GXYLT1: variants seen among roughly 807,000 people sequenced by gnomAD.
GXYLT1 encodes the protein glucoside xylosyltransferase 1, also known as glycosyltransferase 8 domain containing 3.
In GXYLT1, 29 loss-of-function variants were observed where a neutral mutation model predicts 54.0. The observed-to-expected ratio is 0.54, with a 90% CI of 0.40 to 0.73. GXYLT1 has a LOEUF of 0.73. Ranked by LOEUF, GXYLT1 falls within the 30% of genes least tolerant of loss-of-function variation. The pLI, the probability that GXYLT1 is intolerant of heterozygous loss-of-function variation, is 0.00. For synonymous variants in GXYLT1, 176 were observed against 204.1 expected, an observed-to-expected ratio of 0.86 and a Z score of 1.17; for missense variants, 490 against 553.4, an observed-to-expected ratio of 0.89 and a Z score of 1.15.
intron 1 of GXYLT1, among the ~76,000 whole-genome samples, chr12:42,130,660 C>T (rs903746030): frequency 6.6e-6 from 1 of 152,138 alleles, no homozygotes; most frequent in Non-Finnish European, 1.5e-5. Flanking sequence ...CATGCATACA[C>T]ACATACACAG....
intron 7 of GXYLT1, among the ~76,000 whole-genome samples, chr12:42,088,767 A>G (rs2136870074): frequency 6.6e-6 from 1 of 152,144 alleles, no homozygotes; most frequent in African/African-American, 2.4e-5. Context: ...TTAAAAGTAG[A>G]ACATTTTATA....
chr12:42,113,805 C>A (rs2065474692), intron 3 of GXYLT1, among the ~76,000 whole-genome samples: 1 of 151,054 alleles, frequency 6.6e-6, no homozygotes, highest in South Asian at 2.1e-4. Flanking sequence ...GAACTCTCCA[C>A]CCCAAATCAA....
chr12:42,104,647 T>C (rs557687500), intron 5 of GXYLT1, among the ~76,000 whole-genome samples: 2 of 151,530 alleles, frequency 1.3e-5, no homozygotes, highest in African/African-American at 4.8e-5. Flanking sequence ...TGTTGGCACA[T>C]GGTAATGGCT....
chr12:42,135,543 C>A (rs2065614979), intron 1 of GXYLT1, among the ~76,000 whole-genome samples: 1 of 151,728 alleles, frequency 6.6e-6, no homozygotes, highest in African/African-American at 2.4e-5. Context: ...TTCATAATAG[C>A]CAAAAAGTAT....
chr12:42,093,200 C>T (rs34827386), intron 7 of GXYLT1, among the ~76,000 whole-genome samples: 21,674 of 152,176 alleles, frequency 0.14, 1,681 homozygotes, highest in Non-Finnish European at 0.18. Context: ...CAGGTTCAAG[C>T]GATTCTCTTG....
intron 7 of GXYLT1, among the ~76,000 whole-genome samples, chr12:42,096,130 T>C (rs2065354240): frequency 6.6e-6 from 1 of 152,176 alleles, no homozygotes; most frequent in Admixed American, 6.5e-5. Flanking sequence ...AAGAATGGCA[T>C]GGAATTAGAG....
At chr12:42,104,684 G>A (rs1592107509) in intron 5 of GXYLT1, among the ~76,000 whole-genome samples, 1 of 151,932 alleles carries the variant, frequency 6.6e-6, no homozygotes, top group African/African-American at 2.4e-5. Context: ...CTATACCAAA[G>A]GTAAGAGGAA....
chr12:42,126,832 A>G (rs1284593253), intron 2 of GXYLT1, among the ~76,000 whole-genome samples: 8 of 151,156 alleles, frequency 5.3e-5, no homozygotes, highest in African/African-American at 1.2e-4. Flanking sequence ...GTGAGCCAAG[A>G]TCATGCCACT....
chr12:42,124,152 A>C (rs1302233316), intron 2 of GXYLT1, among the ~76,000 whole-genome samples: 3 of 152,064 alleles, frequency 2.0e-5, no homozygotes, highest in African/African-American at 4.8e-5. Context: ...GTGAAAATAT[A>C]TCTCTTAAAA....
chr12:42,124,112 T>C (rs185624029), intron 2 of GXYLT1, among the ~76,000 whole-genome samples: 1 of 151,910 alleles, frequency 6.6e-6, no homozygotes, highest in African/African-American at 2.4e-5. Context: ...ATATAAGTAT[T>C]AACTTCTAAA....
chr12:42,129,393 T>C (rs1425625674), intron 2 of GXYLT1, among the ~76,000 whole-genome samples: 4 of 152,312 alleles, frequency 2.6e-5, no homozygotes, highest in Middle Eastern at 3.4e-3. Flanking sequence ...CCATCCACTA[T>C]AGTACACAAG....
At chr12:42,104,620 G>A (rs538219153) in intron 5 of GXYLT1, among the ~76,000 whole-genome samples, 11 of 151,560 alleles carry the variant, frequency 7.3e-5, no homozygotes, top group African/African-American at 2.7e-4. Flanking sequence ...ATAGCTGTCA[G>A]ACTTCTAAGA....
chr12:42,102,015 A>G (rs2136885101), intron 5 of GXYLT1, among the ~76,000 whole-genome samples: 1 of 152,344 alleles, frequency 6.6e-6, no homozygotes, highest in East Asian at 1.9e-4. Context: ...TTGAATCTTT[A>G]TAAGCACAAT....
At chr12:42,093,299 CT>C (rs892015737) in intron 7 of GXYLT1, among the ~76,000 whole-genome samples, 1 of 152,092 alleles carries the variant, frequency 6.6e-6, no homozygotes, top group African/African-American at 2.4e-5. Context: ...GGTTTCACCA[CT>C]TTGGTGGCCA....
Position 42,109,611 on chromosome 12 carries a change from C to T in GXYLT1, c.567G>A (p.Trp189Ter). 1 of 1,595,426 alleles carries T rather than the reference C, an allele frequency of 6.3e-7. No homozygotes were observed. The highest frequency in any genetic ancestry group is 8.5e-7 in the Non-Finnish European group (1 of 1,172,676). The change falls in exon 4 of 8, where the codon TGG (tryptophan) becomes TGA (stop). Residue 189 changes from tryptophan to a stop codon, truncating the protein, a stop_gained. Coordinates refer to ENST00000398675, the MANE Select transcript of GXYLT1 (RefSeq NM_173601.2). LOFTEE classifies it high-confidence loss of function. Reference protein sequence around the residue: ...ITFPSENAAEWKKLFKPCASQ... With the variant: ...ITFPSENAAE ...AAGCACATGGTTTAAAGAGTTTTTT[C>T]CACTCTGCTGCATTCTCACTTGGAA... is the stretch of plus-strand genomic sequence containing the variant.
intron 4 of GXYLT1, among the ~76,000 whole-genome samples, chr12:42,107,997 T>G (rs1297448111): frequency 6.6e-6 from 1 of 152,158 alleles, no homozygotes; most frequent in Non-Finnish European, 1.5e-5. Context: ...ATGCATCTAT[T>G]TTAAAGGAAG....
chr12:42,136,293 A>G (rs2065619091), intron 1 of GXYLT1, among the ~76,000 whole-genome samples: 1 of 152,248 alleles, frequency 6.6e-6, no homozygotes, highest in Admixed American at 6.5e-5. Context: ...ATACTGGAAA[A>G]GTAAAGGTAG....
chr12:42,094,322 G>T (rs1387485702), intron 7 of GXYLT1, among the ~76,000 whole-genome samples: 1 of 147,976 alleles, frequency 6.8e-6, no homozygotes, highest in African/African-American at 2.5e-5. Context: ...CTGCACTCCA[G>T]CCTGGGTGAC....
At position 42,112,925 on chromosome 12, in the gene GXYLT1, C is replaced by T. The variant is rs1436416417; in HGVS notation, c.487-3234G>A. Among the ~76,000 whole-genome samples the T allele has an allele frequency of 4.6e-5, 7 of 151,160 alleles. 1 individual carries two copies. The highest frequency in any genetic ancestry group is 1.5e-4 in the African/African-American group (6 of 40,508). On this transcript the variant is annotated intron_variant, in intron 3 of 7. Coordinates refer to ENST00000398675, the MANE Select transcript of GXYLT1 (RefSeq NM_173601.2). ...AAAGGGAAGCCCATCAGACTAAGGG[C>T]GGATCTCTCGGCAGAAACTCTACAA...
Sources: gnomAD v4.1 joint callset for allele counts (sites outside exome capture counted in the v4.1 genomes callset) on GRCh38, gnomAD v4.1.1 for gene constraint, MANE v1.5 for transcripts, NCBI Gene and HGNC (gene_info 2026-07-23, HGNC 2026-07-21) for gene names.